ANO10: variants seen among roughly 807,000 people sequenced by gnomAD.
ANO10 encodes the protein anoctamin-10.
In ANO10, 77 loss-of-function variants were observed where a neutral mutation model predicts 74.7. That is an observed-to-expected ratio of 1.03 (90% CI 0.86 to 1.25). ANO10 has a LOEUF of 1.25. Among genes scored for constraint, ANO10 ranks in the 50% most tolerant of loss-of-function variants. The pLI, the probability that ANO10 is intolerant of heterozygous loss-of-function variation, is 0.00. For missense variants in ANO10, 721 were observed against 778.1 expected (o/e 0.93, Z 0.87); for synonymous variants, 279 against 284.9 (o/e 0.98, Z 0.21).
chr3:43,467,617 G>T (rs2075681423), intron 11 of ANO10, among the ~76,000 whole-genome samples: 1 of 152,210 alleles, frequency 6.6e-6, no homozygotes, highest in African/African-American at 2.4e-5. Context: ...CAGAGGGGAG[G>T]AGGAAACTTT....
At chr3:43,486,569 A>G (rs1244371105) in intron 11 of ANO10, among the ~76,000 whole-genome samples, 1 of 147,108 alleles carries the variant, frequency 6.8e-6, no homozygotes, top group Non-Finnish European at 1.5e-5. Flanking sequence ...CTTTGAAGCA[A>G]TTGTGAATGG....
chr3:43,416,091 T>C (rs1378272501), intron 12 of ANO10, among the ~76,000 whole-genome samples: 1 of 152,012 alleles, frequency 6.6e-6, no homozygotes, highest in Non-Finnish European at 1.5e-5. Context: ...CATATGAAAG[T>C]AGAGGGGTTG....
intron 12 of ANO10, among the ~76,000 whole-genome samples, chr3:43,371,109 A>G (rs1053557395): frequency 1.3e-5 from 2 of 152,152 alleles, no homozygotes; most frequent in African/African-American, 2.4e-5. Context: ...ATTTGATTAC[A>G]TCTCCTGCTC....
At chr3:43,437,319 T>C (rs2093084000) in intron 11 of ANO10, among the ~76,000 whole-genome samples, 1 of 152,146 alleles carries the variant, frequency 6.6e-6, no homozygotes, top group South Asian at 2.1e-4. Context: ...CAATGTCAGA[T>C]TTGACCCCAC....
At chr3:43,644,466 C>T (rs969353722) in intron 1 of ANO10, among the ~76,000 whole-genome samples, 23 of 152,298 alleles carry the variant, frequency 1.5e-4, no homozygotes, top group Admixed American at 7.8e-4. Context: ...CCCTCCCTCC[C>T]TGGAACAGAG....
chr3:43,679,013 G>C (rs1177890383), intron 1 of ANO10, among the ~76,000 whole-genome samples: 1 of 152,194 alleles, frequency 6.6e-6, no homozygotes, highest in African/African-American at 2.4e-5. Flanking sequence ...CCCAGCATGA[G>C]TGACGCAGAA....
At chr3:43,613,428 G>A (rs141315945) in intron 1 of ANO10, among the ~76,000 whole-genome samples, 2 of 152,288 alleles carry the variant, frequency 1.3e-5, no homozygotes, top group African/African-American at 4.8e-5. Context: ...GACAGCATGG[G>A]AAAAGAACAA....
chr3:43,552,726 A>ATATATATATATATATATATG (rs1553710721), intron 10 of ANO10, among the ~76,000 whole-genome samples: 1 of 95,602 alleles, frequency 1.0e-5, no homozygotes, highest in Non-Finnish European at 2.1e-5. Context: ...ATATATATAT[A>ATATATATATATATATATATG]TATGTATGTA....
At chr3:43,527,813 G>C (rs548590139) in intron 11 of ANO10, among the ~76,000 whole-genome samples, 1 of 152,202 alleles carries the variant, frequency 6.6e-6, no homozygotes, top group Admixed American at 6.5e-5. Flanking sequence ...ACTAAGAAAA[G>C]GTCTGTGAAC....
At chr3:43,602,322 C>T (rs1032856308) in intron 2 of ANO10, among the ~76,000 whole-genome samples, 1 of 152,042 alleles carries the variant, frequency 6.6e-6, no homozygotes, top group African/African-American at 2.4e-5. Flanking sequence ...ACTGGCATAA[C>T]CTTTTTTTAT....
chr3:43,537,756 G>A (rs1487564974), intron 11 of ANO10, among the ~76,000 whole-genome samples: 1 of 151,890 alleles, frequency 6.6e-6, no homozygotes, highest in East Asian at 1.9e-4. Context: ...AGAAATAGTC[G>A]ATTTCAGTAA....
At chr3:43,421,962 A>G (rs2092826086) in intron 12 of ANO10, among the ~76,000 whole-genome samples, 1 of 152,250 alleles carries the variant, frequency 6.6e-6, no homozygotes, top group Non-Finnish European at 1.5e-5. Context: ...TAAAAAGTAA[A>G]TAAATGGATA....
chr3:43,567,215 C>T (rs1307807084), intron 7 of ANO10, among the ~76,000 whole-genome samples: 1 of 151,982 alleles, frequency 6.6e-6, no homozygotes, highest in Non-Finnish European at 1.5e-5. Context: ...GATTGGTGTA[C>T]CTAAAAGTGA....
At chr3:43,509,617 C>T (rs892716746) in intron 11 of ANO10, among the ~76,000 whole-genome samples, 1 of 152,148 alleles carries the variant, frequency 6.6e-6, no homozygotes, top group Admixed American at 6.5e-5. Flanking sequence ...AATGGTAAAA[C>T]CACTCTGGAA....
At chr3:43,515,809 TA>T (rs1000136918) in intron 11 of ANO10, among the ~76,000 whole-genome samples, 1 of 152,120 alleles carries the variant, frequency 6.6e-6, no homozygotes, top group Non-Finnish European at 1.5e-5. Context: ...TCTAAAACCA[TA>T]AGCTGTAAAT....
At chr3:43,605,911 A>G in intron 1 of ANO10, 48 bp from the exon 2 acceptor site, 2 of 1,592,144 alleles carry the variant, frequency 1.3e-6, no homozygotes, top group Non-Finnish European at 1.7e-6. Context: ...TATTATGGCA[A>G]AGAGAAATAT....
chr3:43,528,821 T>C (rs2078326579), intron 11 of ANO10, among the ~76,000 whole-genome samples: 1 of 151,626 alleles, frequency 6.6e-6, no homozygotes, highest in South Asian at 2.1e-4. Flanking sequence ...CAGCTGAGCA[T>C]GGTGGTGTGT....
chr3:43,632,094 T>C (rs943284295), intron 1 of ANO10, among the ~76,000 whole-genome samples: 1 of 151,472 alleles, frequency 6.6e-6, no homozygotes, highest in African/African-American at 2.4e-5. Flanking sequence ...AAAAAGAAAG[T>C]AAGTTACAAA....
chr3:43,562,605 T>C (rs1403712476), intron 8 of ANO10, among the ~76,000 whole-genome samples: 1 of 147,398 alleles, frequency 6.8e-6, no homozygotes, highest in Non-Finnish European at 1.5e-5. Context: ...CGCTTGAACC[T>C]AGGAGGTAGA....
Sources: allele counts gnomAD v4.1 joint callset (sites outside exome capture counted in the v4.1 genomes callset), GRCh38; gene constraint gnomAD v4.1.1; transcripts MANE v1.5; gene names NCBI Gene and HGNC (gene_info 2026-07-23, HGNC 2026-07-21).